The following RCOR1 variants were observed in gnomAD, a reference collection of about 807,000 sequenced individuals.
RCOR1 encodes REST corepressor 1.
A neutral mutation model predicts 64.0 loss-of-function variants in RCOR1; 12 were observed. The ratio of observed to expected loss-of-function variants is 0.19; its 90% CI spans 0.12 to 0.30. RCOR1 has a LOEUF of 0.30. Ranked by LOEUF, RCOR1 falls within the 10% of genes least tolerant of loss-of-function variation. The pLI is 1.00. For missense variants in RCOR1, 502 were observed against 621.2 expected, an observed-to-expected ratio of 0.81 and a Z score of 2.04; for synonymous variants, 279 against 227.2, an observed-to-expected ratio of 1.23 and a Z score of -2.05.
At chr14:102,714,926 C>G (rs1276588168) in intron 8 of RCOR1, among the ~76,000 whole-genome samples, 1 of 152,068 alleles carries the variant, frequency 6.6e-6, no homozygotes, top group African/African-American at 2.4e-5. Flanking sequence ...ACCCTAGTAA[C>G]CTGCATCTGG....
chr14:102,617,214 G>A (rs1198623791), intron 2 of RCOR1, among the ~76,000 whole-genome samples: 2 of 152,128 alleles, frequency 1.3e-5, no homozygotes, highest in African/African-American at 4.8e-5. Context: ...AGACACATTC[G>A]TTCGTTGACT....
intron 2 of RCOR1, among the ~76,000 whole-genome samples, chr14:102,615,178 C>T (rs925290311): frequency 1.1e-4 from 17 of 150,552 alleles, no homozygotes; most frequent in African/African-American, 4.2e-4. Flanking sequence ...CTCACCCAGC[C>T]TGGAGTGCAG....
At chr14:102,610,561 A>T (rs1481866442) in intron 2 of RCOR1, among the ~76,000 whole-genome samples, 6 of 152,066 alleles carry the variant, frequency 3.9e-5, no homozygotes, top group African/African-American at 1.4e-4. Flanking sequence ...TGCTATTATT[A>T]TTATTATTTT....
rs368972671 is a variant in RCOR1 at position 102,703,362 on chromosome 14, G to T, written c.498+2032G>T. Among the ~76,000 whole-genome samples, 22 of 152,276 alleles carry T rather than the reference G, an allele frequency of 1.4e-4. No homozygotes were observed. In the East Asian group the frequency reaches 4.2e-3, roughly 29 times the overall value. On this transcript the variant is annotated intron_variant, in intron 4 of 11. Transcript: ENST00000262241. ...GATGTGAATATAAACAAACATCCAA[G>T]AAACTCAGTGAACTCCAAGTAGAAT...
chr14:102,654,458 G>C (rs1259147731), intron 2 of RCOR1, among the ~76,000 whole-genome samples: 1 of 152,162 alleles, frequency 6.6e-6, no homozygotes. Context: ...CATAATGGCT[G>C]TGGGTTTCCG....
chr14:102,675,381 A>C (rs1197968839), intron 2 of RCOR1, among the ~76,000 whole-genome samples: 1 of 152,230 alleles, frequency 6.6e-6, no homozygotes, highest in Non-Finnish European at 1.5e-5. Flanking sequence ...TTAATTTATA[A>C]GTTAGACACA....
intron 2 of RCOR1, chr14:102,643,465 G>C (rs1894414422): frequency 3.5e-6 from 1 of 287,706 alleles, no homozygotes; most frequent in African/African-American, 2.3e-5. Context: ...TTAATGCATG[G>C]TAATTACCTT....
In RCOR1 at chr14:102,722,176, T is replaced by TA. The variant is rs1441494640; in HGVS notation, c.1190-10dup. On this transcript the variant is annotated splice_polypyrimidine_tract_variant and intron_variant, in intron 10 of 11. Transcript: ENST00000262241. ...TCTTGTATTTTAAAAAATGCTTTCT[T>TA]ACATCCTTAGCCATCAGGAAATATG... 6.2e-7 allele frequency: 1 copy of TA among 1,605,510 alleles called. No homozygotes were observed. Among genetic ancestry groups the TA allele is most frequent in the Admixed American group, 1.7e-5 (1 of 59,764 alleles).
chr14:102,663,861 G>A (rs1894870184), intron 2 of RCOR1, among the ~76,000 whole-genome samples: 1 of 152,232 alleles, frequency 6.6e-6, no homozygotes, highest in Admixed American at 6.5e-5. Flanking sequence ...TAACATGGAA[G>A]AAAAGTGTTT....
chr14:102,624,789 A>G (rs568910693), intron 2 of RCOR1, among the ~76,000 whole-genome samples: 12 of 151,832 alleles, frequency 7.9e-5, no homozygotes, highest in African/African-American at 2.9e-4. Context: ...AAAAAAAAGC[A>G]TTACTTAATC....
chr14:102,680,182 T>TA (rs1895276101), intron 2 of RCOR1, among the ~76,000 whole-genome samples: 1 of 152,212 alleles, frequency 6.6e-6, no homozygotes, highest in Non-Finnish European at 1.5e-5. Context: ...ATTTTTTTTT[T>TA]ATTGCTGGTA....
intron 6 of RCOR1, among the ~76,000 whole-genome samples, chr14:102,709,516 A>G (rs1425390266): frequency 6.6e-6 from 1 of 152,262 alleles, no homozygotes; most frequent in Non-Finnish European, 1.5e-5. Flanking sequence ...TTATCATTTC[A>G]AATGAAAGAG....
In RCOR1 at chr14:102,726,945, CCTT is replaced by C. The variant is rs1473058184; in HGVS notation, c.*442_*444del. ...TTCAGAGTCACCGCGACCCTGTTGG[CCTT>C]CTAGAAAGTTTCTTTTGTTCTTTTC... On this transcript the variant is annotated 3_prime_UTR_variant, in exon 12 of 12. Transcript: ENST00000262241. 1 of 163,584 alleles carries C rather than the reference CCTT, an allele frequency of 6.1e-6. No individual in the cohort carries two copies. Among genetic ancestry groups the C allele is most frequent in the African/African-American group, 2.4e-5 (1 of 41,812 alleles). 10.1% of individuals were successfully genotyped at this position (163,584 alleles called of 1,614,324 possible).
chr14:102,678,324 G>C (rs1004371086), intron 2 of RCOR1, among the ~76,000 whole-genome samples: 1 of 152,234 alleles, frequency 6.6e-6, no homozygotes, highest in East Asian at 1.9e-4. Flanking sequence ...TTTTGAGGTG[G>C]TGTCTCGCTC....
chr14:102,702,640 G>A (rs1473175226), intron 4 of RCOR1, among the ~76,000 whole-genome samples: 1 of 152,096 alleles, frequency 6.6e-6, no homozygotes, highest in Non-Finnish European at 1.5e-5. Context: ...GCAGGGAAAG[G>A]CAGTGCCTCA....
At chr14:102,669,080 C>T (rs919195183) in intron 2 of RCOR1, among the ~76,000 whole-genome samples, 3 of 152,088 alleles carry the variant, frequency 2.0e-5, no homozygotes, top group African/African-American at 7.2e-5. Context: ...GAGGCTGAAG[C>T]GGGCAGATCA....
intron 4 of RCOR1, among the ~76,000 whole-genome samples, chr14:102,704,509 A>G (rs951177719): frequency 2.0e-5 from 3 of 152,160 alleles, no homozygotes; most frequent in East Asian, 3.8e-4. Flanking sequence ...TCAGCTCACT[A>G]CAACCTCCGC....
rs1595211589 is a variant in RCOR1 at position 102,648,728 on chromosome 14, C to CT, written c.362-33164dup. Among the ~76,000 whole-genome samples the CT allele has an allele frequency of 2.6e-5, 4 of 152,274 alleles. No individual in the cohort carries two copies. In the East Asian group the frequency reaches 7.7e-4, roughly 29 times the overall value. On this transcript the variant is annotated intron_variant, in intron 2 of 11. Coordinates refer to ENST00000262241, the MANE Select transcript of RCOR1 (RefSeq NM_015156.4). ...CATAGGATTCATTTTAGCCCTTTTC[C>CT]TTTCCTTATTTGTAGCTCTCGTCTC...
intron 8 of RCOR1, among the ~76,000 whole-genome samples, chr14:102,720,603 A>G (rs1595246142): frequency 6.6e-6 from 1 of 152,132 alleles, no homozygotes; most frequent in East Asian, 1.9e-4. Context: ...GTTCTGTTGT[A>G]AAGACTGGGC....
Sources: allele counts gnomAD v4.1 joint callset (sites outside exome capture counted in the v4.1 genomes callset), GRCh38; gene constraint gnomAD v4.1.1; transcripts MANE v1.5; gene names NCBI Gene and HGNC (gene_info 2026-07-23, HGNC 2026-07-21).